ST6GAL1: variants seen among roughly 807,000 people sequenced by gnomAD.
ST6GAL1 encodes the protein beta-galactoside alpha-2,6-sialyltransferase 1.
Under a neutral mutation model 38.0 loss-of-function variants are expected in ST6GAL1, and 20 were observed. The observed-to-expected ratio is 0.53, with a 90% CI of 0.37 to 0.77. ST6GAL1 has a LOEUF of 0.77. Among genes scored for constraint, ST6GAL1 ranks in the 30% least tolerant of loss-of-function variants. The pLI, the probability that ST6GAL1 is intolerant of heterozygous loss-of-function variation, is 0.00. For missense variants in ST6GAL1, 432 were observed against 496.4 expected, an observed-to-expected ratio of 0.87 and a Z score of 1.23; for synonymous variants, 196 against 188.2, an observed-to-expected ratio of 1.04 and a Z score of -0.34.
chr3:186,933,062 AC>A (rs755538415), intron 1 of ST6GAL1, among the ~76,000 whole-genome samples: 9 of 152,250 alleles, frequency 5.9e-5, no homozygotes, highest in Admixed American at 2.0e-4. Flanking sequence ...AAGCCAAGCT[AC>A]GAGTTAAATC....
intron 5 of ST6GAL1, among the ~76,000 whole-genome samples, chr3:187,067,381 C>T (rs541080063): frequency 4.2e-4 from 63 of 148,372 alleles, no homozygotes; most frequent in African/African-American, 1.6e-3. Flanking sequence ...GCCACTGCAC[C>T]TGGCAAGGCA....
intron 1 of ST6GAL1, 100 bp downstream of exon 1, chr3:186,930,934 G>T: frequency 6.5e-6 from 1 of 153,320 alleles, no homozygotes; most frequent in South Asian, 2.1e-4. Context: ...CGGGGCCCGC[G>T]GCGCGCGTAG....
At chr3:187,050,659 C>T (rs1192695760) in intron 4 of ST6GAL1, among the ~76,000 whole-genome samples, 2 of 151,992 alleles carry the variant, frequency 1.3e-5, no homozygotes, top group Non-Finnish European at 2.9e-5. Flanking sequence ...GCTCTCTGAC[C>T]TCCTCTTCCA....
At chr3:187,044,507 C>A (rs776324770) in intron 4 of ST6GAL1, among the ~76,000 whole-genome samples, 6 of 152,216 alleles carry the variant, frequency 3.9e-5, no homozygotes, top group Non-Finnish European at 5.9e-5. Context: ...CCGGCCCCAC[C>A]TCAACTTCTG....
chr3:186,939,602 G>T (rs1714090231), intron 1 of ST6GAL1, among the ~76,000 whole-genome samples: 1 of 152,238 alleles, frequency 6.6e-6, no homozygotes. Context: ...GACAGCTCAA[G>T]TGGCTCAATA....
At chr3:186,976,908 T>C (rs1450879014) in intron 2 of ST6GAL1, among the ~76,000 whole-genome samples, 1 of 152,210 alleles carries the variant, frequency 6.6e-6, no homozygotes, top group African/African-American at 2.4e-5. Flanking sequence ...TACCTAGTGC[T>C]TTAATGCCAG....
At chr3:186,943,354 A>T (rs879376848) in intron 1 of ST6GAL1, among the ~76,000 whole-genome samples, 2 of 152,262 alleles carry the variant, frequency 1.3e-5, no homozygotes, top group Non-Finnish European at 2.9e-5. Flanking sequence ...TGCATGAGGC[A>T]TGAAGTGGCG....
At chr3:187,020,539 G>T (rs1488994783) in intron 2 of ST6GAL1, among the ~76,000 whole-genome samples, 1 of 152,176 alleles carries the variant, frequency 6.6e-6, no homozygotes, top group Non-Finnish European at 1.5e-5. Context: ...CATCGGCAAA[G>T]TCTTAATCAG....
intron 2 of ST6GAL1, among the ~76,000 whole-genome samples, chr3:187,001,825 G>A (rs113457158): frequency 0.029 from 4,372 of 151,866 alleles, 93 homozygotes; most frequent in Non-Finnish European, 0.048. Flanking sequence ...GTGTGGTGGC[G>A]CGCGCCTGTA....
At chr3:186,951,636 CT>C (rs897187514) in intron 1 of ST6GAL1, among the ~76,000 whole-genome samples, 2 of 152,062 alleles carry the variant, frequency 1.3e-5, no homozygotes, top group Admixed American at 1.3e-4. Flanking sequence ...TGTTTCGCAC[CT>C]TTTTCTCTCT....
At chr3:187,010,992 G>T (rs535798036) in intron 2 of ST6GAL1, among the ~76,000 whole-genome samples, 2 of 152,172 alleles carry the variant, frequency 1.3e-5, no homozygotes, top group Non-Finnish European at 2.9e-5. Flanking sequence ...AGCGTTAGCT[G>T]TCTCTTGGCC....
intron 3 of ST6GAL1, chr3:187,041,954 C>T (rs1258561638): frequency 6.6e-6 from 1 of 152,176 alleles, no homozygotes; most frequent in Non-Finnish European, 1.5e-5. Flanking sequence ...GAATTCCTAG[C>T]CTCTATCATG....
chr3:186,990,191 G>C (rs921092863), intron 2 of ST6GAL1, among the ~76,000 whole-genome samples: 14 of 152,194 alleles, frequency 9.2e-5, no homozygotes, highest in African/African-American at 3.4e-4. Context: ...ATTCCACCAT[G>C]CCTGGCTAAT....
At chr3:187,051,435 G>C in intron 5 of ST6GAL1, 89 bp downstream of exon 5, 1 of 1,223,616 alleles carries the variant, frequency 8.2e-7, no homozygotes, top group Non-Finnish European at 1.2e-6. Flanking sequence ...GCATATCTAG[G>C]CTGCCAATTA....
chr3:187,070,800 T>TTG (rs1011147500), intron 5 of ST6GAL1, among the ~76,000 whole-genome samples: 1 of 152,156 alleles, frequency 6.6e-6, no homozygotes, highest in African/African-American at 2.4e-5. Flanking sequence ...CATTGTTCAA[T>TTG]TGTCCACCTT....
chr3:186,981,577 A>G (rs187536182), intron 2 of ST6GAL1, among the ~76,000 whole-genome samples: 85 of 152,252 alleles, frequency 5.6e-4, no homozygotes, highest in African/African-American at 2.0e-3. Context: ...AAGGCACTTC[A>G]TTTTCCTCAG....
intron 2 of ST6GAL1, chr3:187,021,789 GC>G (rs1717313739): frequency 6.7e-6 from 1 of 150,330 alleles, no homozygotes; most frequent in Non-Finnish European, 1.5e-5. Flanking sequence ...CCTACCCTAT[GC>G]CCTGGGGGAA....
At chr3:186,973,738 C>T (rs1193003978) in intron 2 of ST6GAL1, among the ~76,000 whole-genome samples, 1 of 152,162 alleles carries the variant, frequency 6.6e-6, no homozygotes, top group South Asian at 2.1e-4. Flanking sequence ...TCCTGGAGGC[C>T]CTCTTCATGA....
chr3:187,004,992 G>T (rs776503598), intron 2 of ST6GAL1, among the ~76,000 whole-genome samples: 1 of 152,056 alleles, frequency 6.6e-6, no homozygotes, highest in Non-Finnish European at 1.5e-5. Context: ...CTCTCCCTAG[G>T]AGCTTCTAAG....
Sources: gnomAD v4.1 joint callset for allele counts (sites outside exome capture counted in the v4.1 genomes callset) on GRCh38, gnomAD v4.1.1 for gene constraint, MANE v1.5 for transcripts, NCBI Gene and HGNC (gene_info 2026-07-23, HGNC 2026-07-21) for gene names.